FAM76A: variants seen among roughly 807,000 people sequenced by gnomAD.
The protein encoded by FAM76A is family with sequence similarity 76 member A.
FAM76A carries 32 observed loss-of-function variants against 46.2 expected under a neutral mutation model. The observed-to-expected ratio is 0.69, with a 90% confidence interval of 0.52 to 0.93. The LOEUF (loss-of-function observed/expected upper bound fraction) is 0.93, where lower values mean the gene tolerates loss of function less well. FAM76A is among the 40% of genes least tolerant of loss of function. The probability of loss-of-function intolerance (pLI) is 0.00; values close to 1 mark genes in which losing one functional copy is unlikely to be tolerated. For missense variants in FAM76A, 274 were observed against 361.5 expected, an observed-to-expected ratio of 0.76 and a Z score of 1.96; for synonymous variants, 137 against 127.0, an observed-to-expected ratio of 1.08 and a Z score of -0.53.
At chr1:27,759,222 TATC>T (rs770588585) in intron 7 of FAM76A, among the ~76,000 whole-genome samples, 1 of 152,198 alleles carries the variant, frequency 6.6e-6, no homozygotes, top group Non-Finnish European at 1.5e-5. Context: ...CTCACAATGT[TATC>T]ATAAAGATCT....
intron 1 of FAM76A, among the ~76,000 whole-genome samples, chr1:27,726,663 C>T (rs2087866487): frequency 1.3e-5 from 2 of 151,468 alleles, no homozygotes; most frequent in South Asian, 4.2e-4. Context: ...CACTTTTCGG[C>T]CAGTCTCAGA....
At chr1:27,742,398 G>T (rs987606787) in intron 4 of FAM76A, among the ~76,000 whole-genome samples, 1 of 152,128 alleles carries the variant, frequency 6.6e-6, no homozygotes, top group African/African-American at 2.4e-5. Flanking sequence ...CTGCTCCATG[G>T]TGCAGAGTTA....
At chr1:27,752,857 A>T (rs1193477733) in intron 6 of FAM76A, among the ~76,000 whole-genome samples, 1 of 152,194 alleles carries the variant, frequency 6.6e-6, no homozygotes, top group Non-Finnish European at 1.5e-5. Context: ...TTACTGAACC[A>T]GGAATTAGAG....
At chr1:27,743,648 C>T (rs1326902554) in intron 4 of FAM76A, among the ~76,000 whole-genome samples, 2 of 152,036 alleles carry the variant, frequency 1.3e-5, no homozygotes, top group Non-Finnish European at 2.9e-5. Context: ...ACCTGTAGTT[C>T]CAGCTATTCA....
intron 4 of FAM76A, among the ~76,000 whole-genome samples, chr1:27,737,890 A>AC (rs2088081293): frequency 6.8e-6 from 1 of 147,488 alleles, no homozygotes; most frequent in Non-Finnish European, 1.5e-5. Flanking sequence ...AAAAAAAAAA[A>AC]AACAGAAAAA....
chr1:27,759,767 T>TTTTTTTTTTTTG lies in FAM76A; in HGVS notation c.837+151_837+162dup. 4 of 367,182 alleles carry TTTTTTTTTTTTG rather than the reference T, an allele frequency of 1.1e-5. No homozygotes were observed. In the African/African-American group the frequency reaches 1.1e-4, roughly 10 times the overall value. 22.7% of individuals were successfully genotyped at this position (367,182 alleles called of 1,614,324 possible). On this transcript the variant is annotated intron_variant, in intron 8 of 8. Transcript: ENST00000373954. ...AAATCATGTTAATCCCCCTTTTAGG[T>TTTTTTTTTTTTG]TTTTTTTTTTTGTTTTTTTTTTGAG...
rs1410045051 is a variant in FAM76A at position 27,739,206 on chromosome 1, G to GC, written c.354+5027dup. 7 of 442,614 alleles carry GC rather than the reference G, an allele frequency of 1.6e-5. No homozygotes were observed. The Admixed American group carries it at 2.0e-4, about 13-fold the overall frequency. The allele number at this position is 442,614 out of a possible 1,614,324, so 27.4% of individuals were successfully genotyped here. A position where few individuals can be genotyped will look rare whatever the true frequency, so the allele number is the denominator to read the frequency against. ...TAAGGATGCTGGAGGAAAAGCTGGTGCCCCTATTGTATGCATGCTGAACCA... is the reference window on the plus strand; with the variant it reads ...TAAGGATGCTGGAGGAAAAGCTGGTGCCCCCTATTGTATGCATGCTGAACCA... On this transcript the variant is annotated intron_variant, in intron 4 of 8. Coordinates refer to ENST00000373954, the MANE Select transcript of FAM76A (RefSeq NM_152660.3).
chr1:27,757,117 TA>T (rs1181492765), intron 7 of FAM76A, among the ~76,000 whole-genome samples: 1 of 151,422 alleles, frequency 6.6e-6, no homozygotes, highest in Non-Finnish European at 1.5e-5. Flanking sequence ...TAATAATAGC[TA>T]ACTTTTATTG....
At chr1:27,730,206 G>A (rs1042855008) in intron 2 of FAM76A, 1 of 216,316 alleles carries the variant, frequency 4.6e-6, no homozygotes, top group South Asian at 5.3e-5. Flanking sequence ...TTGTTGTTGA[G>A]ACAGAGTTTC....
intron 6 of FAM76A, among the ~76,000 whole-genome samples, chr1:27,754,752 C>A (rs1336328369): frequency 6.6e-6 from 1 of 152,024 alleles, no homozygotes; most frequent in Non-Finnish European, 1.5e-5. Flanking sequence ...AAGACAAGGA[C>A]CTGAAAGATG....
intron 2 of FAM76A, among the ~76,000 whole-genome samples, chr1:27,730,593 A>G (rs188698775): frequency 2.6e-5 from 4 of 152,202 alleles, no homozygotes; most frequent in South Asian, 2.1e-4. Flanking sequence ...TCAAAATGCT[A>G]TTCTACATCA....
Position 27,755,304 on chromosome 1 carries a change from C to T in FAM76A, c.709C>T (p.Gln237Ter). 1 of 1,614,124 alleles carries T rather than the reference C, an allele frequency of 6.2e-7. No homozygotes were observed. The highest frequency in any genetic ancestry group is 8.5e-7 in the Non-Finnish European group (1 of 1,180,032). ...GAAGAAGATGTTGCATCAAAAGGAT[C>T]AAATGATTTTAGAGAAAGAGAAGAA... ...TLKKMLHQKD[Q>*]MILEKEKKIT... The change falls in exon 7 of 9, where the codon CAA becomes TAA. Residue 237 changes from glutamine (Q) to a stop codon, truncating the protein, a stop_gained. Transcript: ENST00000373954. LOFTEE classifies it high-confidence loss of function.
At chr1:27,751,141 C>G (rs1450637882) in intron 6 of FAM76A, among the ~76,000 whole-genome samples, 2 of 149,282 alleles carry the variant, frequency 1.3e-5, no homozygotes, top group African/African-American at 2.6e-5. Flanking sequence ...CAGTGAGACT[C>G]TGTCTCAAAA....
intron 1 of FAM76A, 28 bp downstream of exon 1, chr1:27,726,189 A>G: frequency 1.6e-6 from 2 of 1,263,206 alleles, no homozygotes; most frequent in African/African-American, 1.5e-5. Context: ...GCGGCCGGGA[A>G]CTGGGGACGC....
intron 4 of FAM76A, among the ~76,000 whole-genome samples, chr1:27,742,197 A>G (rs971453584): frequency 6.6e-6 from 1 of 152,208 alleles, no homozygotes; most frequent in African/African-American, 2.4e-5. Context: ...CAGAAATAAG[A>G]AATGAAAACT....
At chr1:27,733,986 T>A in intron 3 of FAM76A, 45 bp from the exon 4 acceptor site, 2 of 1,572,588 alleles carry the variant, frequency 1.3e-6, no homozygotes, top group Admixed American at 3.9e-5. Context: ...TGCAGTGGTA[T>A]TTTATGAAAG....
In FAM76A at chr1:27,759,558, G is replaced by A. The variant is rs202236285; in HGVS notation, c.768G>A (p.Gln256=). The change falls in exon 8 of 9, where the codon CAG becomes CAA. Residue 256 remains glutamine (Q), a synonymous_variant. Transcript: ENST00000373954. ...AGTTGAAGGCTGATTTTCAGTACCA[G>A]GAATCGCAGATGAGAGCCAAAATGA... ...ITELKADFQY[Q]ESQMRAKMNQ... is the part of the protein sequence containing the mutation. 2.4e-5 allele frequency: 38 copies of A among 1,613,528 alleles called. No individual in the cohort carries two copies. Among genetic ancestry groups the A allele is most frequent in the Middle Eastern group, 3.3e-4 (2 of 6,084 alleles).
At chr1:27,733,301 C>T (rs1200985159) in intron 3 of FAM76A, among the ~76,000 whole-genome samples, 1 of 152,106 alleles carries the variant, frequency 6.6e-6, no homozygotes, top group Non-Finnish European at 1.5e-5. Context: ...GAATGATTCT[C>T]TTTTTCTCTT....
intron 6 of FAM76A, among the ~76,000 whole-genome samples, chr1:27,754,359 G>A (rs2088377786): frequency 6.6e-6 from 1 of 152,106 alleles, no homozygotes; most frequent in Non-Finnish European, 1.5e-5. Flanking sequence ...GCCTGCCTTG[G>A]CCTCCCAAAG....
Sources: gnomAD v4.1 joint callset for allele counts (sites outside exome capture counted in the v4.1 genomes callset) on GRCh38, gnomAD v4.1.1 for gene constraint, MANE v1.5 for transcripts, NCBI Gene and HGNC (gene_info 2026-07-23, HGNC 2026-07-21) for gene names.